CNTLN: variants seen among roughly 807,000 people sequenced by gnomAD.
CNTLN encodes centlein, centrosomal protein.
A neutral mutation model predicts 180.0 loss-of-function variants in CNTLN; 212 were observed. The ratio of observed to expected loss-of-function variants is 1.18; its 90% CI spans 1.05 to 1.32. The LOEUF is 1.32. CNTLN is among the 40% of genes most tolerant of loss of function. The probability of loss-of-function intolerance (pLI) is 0.00; values close to 1 mark genes in which losing one functional copy is unlikely to be tolerated. For synonymous variants in CNTLN, 722 were observed against 563.1 expected, an observed-to-expected ratio of 1.28 and a Z score of -3.99; for missense variants, 2,095 against 1,610.9, an observed-to-expected ratio of 1.30 and a Z score of -5.14.
chr9:17,464,383 A>T, intron 20 of CNTLN, 114 bp from the exon 21 acceptor site: 1 of 826,088 alleles, frequency 1.2e-6, no homozygotes, highest in Non-Finnish European at 1.9e-6. Flanking sequence ...TACAGTGTCA[A>T]TATCACGTAG....
In CNTLN at chr9:17,416,144, G is replaced by C. The variant is rs1231763603; in HGVS notation, c.3069G>C (p.Gln1023His). The C allele has an allele frequency of 1.9e-6, 3 of 1,613,380 alleles. No individual in the cohort carries two copies. In the African/African-American group the frequency reaches 4.0e-5, roughly 22 times the overall value. The change falls in exon 18 of 26, where the codon CAG becomes CAC. Residue 1023 changes from glutamine (Q) to histidine (H), a missense_variant. Gln to His is a conservative substitution (Grantham distance 24). Coordinates refer to ENST00000380647, the MANE Select transcript of CNTLN (RefSeq NM_017738.4). ...KEVNEKLLHQ[Q>H]QVSDQRFQTS... ...TTAATGAAAAGCTCCTCCATCAACA[G>C]CAAGTATCCGATCAACGATTTCAGA... is the stretch of plus-strand genomic sequence containing the variant.
chr9:17,469,560 T>A (rs1054860162), intron 23 of CNTLN, among the ~76,000 whole-genome samples: 8 of 151,776 alleles, frequency 5.3e-5, no homozygotes, highest in Non-Finnish European at 1.0e-4. Flanking sequence ...CATCAATGAC[T>A]CCTTAACTAC....
At chr9:17,521,395 G>A in the CNTLN span, among the ~76,000 whole-genome samples, 1 of 152,098 alleles carries the variant, frequency 6.6e-6, no homozygotes, top group African/African-American at 2.4e-5. Context: ...ATCAGGTTCT[G>A]TAACAAGCTG....
At chr9:17,280,670 G>A (rs1011356656) in intron 6 of CNTLN, among the ~76,000 whole-genome samples, 1 of 152,172 alleles carries the variant, frequency 6.6e-6, no homozygotes, top group African/African-American at 2.4e-5. Flanking sequence ...CACTGACTTA[G>A]CCACCCAAGA....
At chr9:17,485,807 A>T (rs554410695) in intron 24 of CNTLN, among the ~76,000 whole-genome samples, 2 of 152,222 alleles carry the variant, frequency 1.3e-5, no homozygotes, top group East Asian at 3.9e-4. Flanking sequence ...CTCTAAAATG[A>T]TGCACTCTCT....
At chr9:17,473,171 C>T (rs1832122813) in intron 23 of CNTLN, among the ~76,000 whole-genome samples, 1 of 152,112 alleles carries the variant, frequency 6.6e-6, no homozygotes, top group South Asian at 2.1e-4. Context: ...CCAAGAACTT[C>T]AGGTGGGCTC....
intron 15 of CNTLN, among the ~76,000 whole-genome samples, chr9:17,407,320 A>G (rs936938427): frequency 3.9e-4 from 60 of 152,196 alleles, no homozygotes; most frequent in Non-Finnish European, 1.3e-4. Context: ...AGAAGTAGTG[A>G]TTTCTCAAAG....
chr9:17,282,087 T>C (rs537816084), intron 6 of CNTLN, among the ~76,000 whole-genome samples: 78 of 152,190 alleles, frequency 5.1e-4, no homozygotes, highest in African/African-American at 1.8e-3. Context: ...CTCAGCCTCC[T>C]GAGTAGCTGG....
At chr9:17,492,825 G>A (rs1833237047) in intron 25 of CNTLN, among the ~76,000 whole-genome samples, 2 of 152,050 alleles carry the variant, frequency 1.3e-5, no homozygotes, top group Admixed American at 1.3e-4. Flanking sequence ...GCCAAATGAT[G>A]GAAATGATCC....
chr9:17,337,012 T>G (rs1821090950), intron 10 of CNTLN, among the ~76,000 whole-genome samples: 1 of 152,214 alleles, frequency 6.6e-6, no homozygotes, highest in Admixed American at 6.5e-5. Context: ...CCATTCTAAC[T>G]GGCATGAGAT....
intron 5 of CNTLN, among the ~76,000 whole-genome samples, chr9:17,254,825 G>T (rs900264803): frequency 6.6e-6 from 1 of 151,594 alleles, no homozygotes; most frequent in Non-Finnish European, 1.5e-5. Flanking sequence ...TCTGCAAAAA[G>T]TGTCATTGGG....
At position 17,148,954 on chromosome 9, in the gene CNTLN, T is replaced by C. The variant is rs117590713; in HGVS notation, c.449+5578T>C. Among the ~76,000 whole-genome samples the C allele has an allele frequency of 7.6e-3, 1,159 of 152,286 alleles. 10 individuals carry two copies. The highest frequency in any genetic ancestry group is 0.01 in the Non-Finnish European group (681 of 68,028). On this transcript the variant is annotated intron_variant, in intron 2 of 25. Coordinates refer to ENST00000380647, the MANE Select transcript of CNTLN (RefSeq NM_017738.4). ...CACCTACATTACGTATTTCTCCTAA[T>C]GTTATCCCTCCTGTAGCCCCCACCT...
At chr9:17,296,295 G>A (rs928030471) in intron 6 of CNTLN, among the ~76,000 whole-genome samples, 30 of 152,140 alleles carry the variant, frequency 2.0e-4, no homozygotes, top group Non-Finnish European at 3.7e-4. Context: ...TGGGATTACA[G>A]GTGTGAGCCA....
At chr9:17,484,711 A>G (rs1239034199) in intron 24 of CNTLN, among the ~76,000 whole-genome samples, 1 of 152,066 alleles carries the variant, frequency 6.6e-6, no homozygotes, top group Non-Finnish European at 1.5e-5. Context: ...TAACCTTTCA[A>G]ATTACTTGTT....
At chr9:17,161,019 A>T (rs2131585953) in intron 2 of CNTLN, among the ~76,000 whole-genome samples, 1 of 152,306 alleles carries the variant, frequency 6.6e-6, no homozygotes, top group East Asian at 1.9e-4. Context: ...GAGACAATTT[A>T]TAATAAGAAT....
At chr9:17,360,565 C>G (rs970287760) in intron 12 of CNTLN, among the ~76,000 whole-genome samples, 1 of 152,070 alleles carries the variant, frequency 6.6e-6, no homozygotes, top group African/African-American at 2.4e-5. Context: ...GAGATTCTTG[C>G]TAAACTGACT....
the CNTLN span, among the ~76,000 whole-genome samples, chr9:17,516,062 C>T: frequency 6.6e-6 from 1 of 152,214 alleles, no homozygotes; most frequent in Non-Finnish European, 1.5e-5. Flanking sequence ...TACCTTTGCA[C>T]TGCAGTTCTC....
intron 15 of CNTLN, among the ~76,000 whole-genome samples, chr9:17,406,115 T>C (rs1468169584): frequency 6.6e-6 from 1 of 151,848 alleles, no homozygotes; most frequent in African/African-American, 2.4e-5. Context: ...TCTTTCTCAC[T>C]AATGATAATT....
intron 8 of CNTLN, among the ~76,000 whole-genome samples, chr9:17,316,011 G>T (rs531639148): frequency 6.6e-6 from 1 of 151,928 alleles, no homozygotes; most frequent in East Asian, 1.9e-4. Flanking sequence ...CCAGTCTTCT[G>T]TTTCCATGCT....
Sources: gnomAD v4.1 joint callset for allele counts (sites outside exome capture counted in the v4.1 genomes callset) on GRCh38, gnomAD v4.1.1 for gene constraint, MANE v1.5 for transcripts, NCBI Gene and HGNC (gene_info 2026-07-23, HGNC 2026-07-21) for gene names.